LYST: variants seen among roughly 807,000 people sequenced by gnomAD.
LYST encodes lysosomal-trafficking regulator.
A neutral mutation model predicts 413.6 loss-of-function variants in LYST; 192 were observed. The observed-to-expected ratio is 0.46, with a 90% CI of 0.41 to 0.52. The LOEUF is 0.52. Among genes scored for constraint, LYST ranks in the 20% least tolerant of loss-of-function variants. The pLI is 0.00. For synonymous variants in LYST, 1,525 were observed against 1,567.3 expected (o/e 0.97, Z 0.64); for missense variants, 3,815 against 4,499.9 (o/e 0.85, Z 4.35).
At chr1:235,852,417 G>A (rs3768071) in intron 1 of LYST, among the ~76,000 whole-genome samples, 67,461 of 152,016 alleles carry the variant, frequency 0.44, 16,193 homozygotes, top group African/African-American at 0.61. Context: ...ATAGTACCAC[G>A]TAAGGCAAAC....
intron 46 of LYST, among the ~76,000 whole-genome samples, chr1:235,696,716 T>C (rs1490263221): frequency 6.6e-6 from 1 of 152,222 alleles, no homozygotes; most frequent in Non-Finnish European, 1.5e-5. Context: ...ATCCTTGTTG[T>C]GTTTGTTGCT....
intron 1 of LYST, among the ~76,000 whole-genome samples, chr1:235,840,444 G>C (rs1677088514): frequency 1.3e-5 from 2 of 152,160 alleles, no homozygotes; most frequent in East Asian, 1.9e-4. Context: ...ATGGTGAAAG[G>C]CTTTTGTACA....
At chr1:235,800,606 G>A (rs566878181) in intron 9 of LYST, among the ~76,000 whole-genome samples, 99 of 152,126 alleles carry the variant, frequency 6.5e-4, no homozygotes, top group Non-Finnish European at 1.4e-3. Context: ...AAAATTAAAT[G>A]CATTTTTAAA....
rs1351057646 is a variant in LYST at position 235,781,865 on chromosome 1, G to A, written c.5023+62C>T. ...GAAAAAAAACTGGAAATGTTTCAAA[G>A]GAAAAAAATCTCACTCTGTCGCCCA... On this transcript the variant is annotated intron_variant, in intron 15 of 52. Transcript: ENST00000389793. 3.4e-6 allele frequency: 4 copies of A among 1,160,930 alleles called. No individual in the cohort carries two copies. The East Asian group carries it at 9.5e-5, about 27-fold the overall frequency. 71.9% of individuals were successfully genotyped at this position (1,160,930 alleles called of 1,614,324 possible). A position where few individuals can be genotyped will look rare whatever the true frequency, so the allele number is the denominator to read the frequency against.
At chr1:235,738,420 A>C in intron 31 of LYST, 3 of 1,613,478 alleles carry the variant, frequency 1.9e-6, no homozygotes, top group Non-Finnish European at 2.5e-6. Flanking sequence ...AATCCAGTGG[A>C]TATCTTTGAC....
intron 8 of LYST, among the ~76,000 whole-genome samples, chr1:235,801,329 A>G (rs1367623497): frequency 1.3e-5 from 2 of 152,086 alleles, no homozygotes; most frequent in Non-Finnish European, 2.9e-5. Context: ...AATTTTACAA[A>G]TAAGAATTTT....
chr1:235,677,688 A>G, intron 48 of LYST, 69 bp from the exon 49 acceptor site: 1 of 1,194,172 alleles, frequency 8.4e-7, no homozygotes, highest in Non-Finnish European at 1.2e-6. Context: ...TATCTCAAAA[A>G]TAAAACAACC....
intron 3 of LYST, among the ~76,000 whole-genome samples, chr1:235,821,049 A>G (rs1674694810): frequency 6.6e-6 from 1 of 152,180 alleles, no homozygotes; most frequent in Admixed American, 6.5e-5. Flanking sequence ...TTCATATTCC[A>G]CTTTACCACT....
chr1:235,726,437 A>G (rs1046540677), intron 38 of LYST, among the ~76,000 whole-genome samples: 3 of 152,202 alleles, frequency 2.0e-5, no homozygotes, highest in African/African-American at 7.2e-5. Flanking sequence ...ACATTCATTC[A>G]ACATATATTA....
At chr1:235,703,076 G>A (rs1211921553) in intron 44 of LYST, 99 bp from the exon 45 acceptor site, 3 of 895,200 alleles carry the variant, frequency 3.4e-6, no homozygotes, top group East Asian at 2.5e-5. Context: ...TTATATTCTA[G>A]GTTATGGAAA....
At chr1:235,692,233 T>C (rs974587996) in intron 47 of LYST, among the ~76,000 whole-genome samples, 1 of 151,316 alleles carries the variant, frequency 6.6e-6, no homozygotes, top group Non-Finnish European at 1.5e-5. Flanking sequence ...CTTCGGAAGC[T>C]GAGGCAGGAG....
intron 50 of LYST, among the ~76,000 whole-genome samples, chr1:235,672,357 C>T (rs543647955): frequency 1.3e-5 from 2 of 152,098 alleles, no homozygotes; most frequent in South Asian, 2.1e-4. Context: ...GGTATGCCAT[C>T]GTTAAGAAGT....
upstream of LYST, among the ~76,000 whole-genome samples, chr1:235,870,155 G>C (rs1057181907): frequency 1.2e-4 from 19 of 152,130 alleles, no homozygotes; most frequent in Non-Finnish European, 1.5e-4. Flanking sequence ...GTCCCTTCTT[G>C]GGGGGTGTGG....
At chr1:235,680,615 T>G (rs1659733952) in intron 48 of LYST, among the ~76,000 whole-genome samples, 1 of 151,706 alleles carries the variant, frequency 6.6e-6, no homozygotes, top group South Asian at 2.1e-4. Flanking sequence ...TTTTTTTTTT[T>G]GAGATGAAGT....
intron 34 of LYST, among the ~76,000 whole-genome samples, chr1:235,731,556 ATTT>A (rs61633038): frequency 2.5e-5 from 3 of 121,458 alleles, no homozygotes; most frequent in South Asian, 2.5e-4. Flanking sequence ...CCCATTTTGC[ATTT>A]TTTTTTTTTT....
At chr1:235,724,233 T>C (rs1663645734) in intron 38 of LYST, 53 bp from the exon 39 acceptor site, 3 of 1,437,840 alleles carry the variant, frequency 2.1e-6, no homozygotes, top group Admixed American at 1.8e-5. Context: ...TATAAATAAT[T>C]ACTTTAATTT....
rs745863011 is a variant in LYST, at chr1:235,792,055, G to C, written c.4187C>G (p.Thr1396Ser). ...ATTTGGAGCGTGCAGTAAAGGGAAGGTTAGATACTGTGAAGGGCTCATAGT... is the reference window on the plus strand; with the variant it reads ...ATTTGGAGCGTGCAGTAAAGGGAAGCTTAGATACTGTGAAGGGCTCATAGT... ...DTTMSPSQYL[T>S]FPLLHAPNLS... The change falls in exon 12 of 53, where the codon ACC becomes AGC. Residue 1396 changes from threonine (T) to serine (S), a missense_variant. Physicochemically the swap from Thr to Ser is moderately conservative, Grantham distance 58. Coordinates refer to ENST00000389793, the MANE Select transcript of LYST (RefSeq NM_000081.4). The C allele has an allele frequency of 2.5e-5, 41 of 1,613,664 alleles. No individual in the cohort carries two copies. Among genetic ancestry groups the C allele is most frequent in the Non-Finnish European group, 3.1e-5 (37 of 1,179,598 alleles).
intron 28 of LYST, among the ~76,000 whole-genome samples, chr1:235,747,658 G>C (rs1279963177): frequency 2.0e-5 from 3 of 152,152 alleles, no homozygotes; most frequent in African/African-American, 7.2e-5. Context: ...CATGCTGTAC[G>C]TGCAGCTGAT....
chr1:235,697,241 C>T lies in LYST; in HGVS notation c.10406G>A (p.Trp3469Ter). The T allele has an allele frequency of 6.2e-7, 1 of 1,613,826 alleles. No individual in the cohort carries two copies. Among genetic ancestry groups the T allele is most frequent in the Non-Finnish European group, 8.5e-7 (1 of 1,179,842 alleles). ...SPLSWIKGLK[W>*]GEYVGSPSAP... Reference sequence around the variant, plus strand: ...ACTGGGGGAACCCACGTATTCCCCCCATTTCAAGCCTTTTATCCATGACAA... The same window carrying T: ...ACTGGGGGAACCCACGTATTCCCCCTATTTCAAGCCTTTTATCCATGACAA... Residue 3469 changes from tryptophan to a stop codon, truncating the protein, a stop_gained, in exon 46 of 53, where the codon TGG becomes TAG. Coordinates refer to ENST00000389793, the MANE Select transcript of LYST (RefSeq NM_000081.4). LOFTEE classifies it high-confidence loss of function.
Sources: gnomAD v4.1 joint callset for allele counts (sites outside exome capture counted in the v4.1 genomes callset) on GRCh38, gnomAD v4.1.1 for gene constraint, MANE v1.5 for transcripts, NCBI Gene and HGNC (gene_info 2026-07-23, HGNC 2026-07-21) for gene names.